Variants in NRXN1 observed in about 807,000 individuals in gnomAD.
NRXN1 encodes neurexin-1.
In NRXN1, 39 loss-of-function variants were observed where a neutral mutation model predicts 150.9. The ratio of observed to expected loss-of-function variants is 0.26; its 90% CI spans 0.20 to 0.34. The LOEUF (loss-of-function observed/expected upper bound fraction) is 0.34, where lower values mean the gene tolerates loss of function less well. NRXN1 is among the 10% of genes least tolerant of loss of function. NRXN1 has a pLI of 1.00. For synonymous variants in NRXN1, 924 were observed against 757.0 expected (o/e 1.22, Z -3.62); for missense variants, 1,815 against 1,949.9 (o/e 0.93, Z 1.30).
At chr2:50,865,482 A>G (rs899240215) in intron 5 of NRXN1, among the ~76,000 whole-genome samples, 7 of 151,532 alleles carry the variant, frequency 4.6e-5, no homozygotes, top group Admixed American at 2.0e-4. Context: ...GAAGAACACC[A>G]AAAGCTGAGT....
intron 18 of NRXN1, among the ~76,000 whole-genome samples, chr2:50,157,816 A>G (rs2059118549): frequency 6.6e-6 from 1 of 151,964 alleles, no homozygotes; most frequent in Non-Finnish European, 1.5e-5. Context: ...AAAACACTCT[A>G]TTGTCAAGTA....
At chr2:50,744,689 T>A (rs1699812750) in intron 5 of NRXN1, among the ~76,000 whole-genome samples, 1 of 152,138 alleles carries the variant, frequency 6.6e-6, no homozygotes, top group East Asian at 1.9e-4. Flanking sequence ...AGAGAGATAT[T>A]ACCTGTTTAA....
chr2:50,684,485 G>C (rs2104825953), intron 5 of NRXN1, among the ~76,000 whole-genome samples: 1 of 152,244 alleles, frequency 6.6e-6, no homozygotes, highest in Non-Finnish European at 1.5e-5. Context: ...CTGGGTGACA[G>C]AGCAAGATCC....
chr2:50,939,115 G>A (rs1454869439), intron 2 of NRXN1, among the ~76,000 whole-genome samples: 1 of 149,574 alleles, frequency 6.7e-6, no homozygotes, highest in Non-Finnish European at 1.5e-5. Flanking sequence ...GGAGGCTGAG[G>A]CAGGAGAATG....
intron 2 of NRXN1, among the ~76,000 whole-genome samples, chr2:50,954,664 T>C (rs915703606): frequency 6.6e-6 from 1 of 152,180 alleles, no homozygotes; most frequent in Non-Finnish European, 1.5e-5. Context: ...GCTGGAGGAA[T>C]AACCTTGGAC....
chr2:50,828,347 G>C (rs1229208192), intron 5 of NRXN1, among the ~76,000 whole-genome samples: 3 of 148,682 alleles, frequency 2.0e-5, no homozygotes, highest in African/African-American at 7.5e-5. Context: ...CCTCCCAGAT[G>C]GGGCGGCTGG....
In NRXN1 at chr2:50,037,221, A is replaced by C. The variant is rs189239522; in HGVS notation, c.4128+16050T>G. Among the ~76,000 whole-genome samples, 451 of 152,196 alleles carry C rather than the reference A, an allele frequency of 3.0e-3. 1 individual carries two copies. The highest frequency in any genetic ancestry group is 0.014 in the Middle Eastern group (4 of 294). On this transcript the variant is annotated intron_variant, in intron 21 of 22. Transcript: ENST00000401669. ...ATATATGGTTAGGTTTGAGTGTAAA[A>C]TTTTTATCTCCTTTGTTCTTTTTTT...
At chr2:50,764,194 T>C (rs1346496003) in intron 5 of NRXN1, among the ~76,000 whole-genome samples, 1 of 151,868 alleles carries the variant, frequency 6.6e-6, no homozygotes, top group East Asian at 1.9e-4. Flanking sequence ...AAATACCTAC[T>C]ACATGCCAGA....
chr2:50,382,841 G>A (rs997303526), intron 17 of NRXN1, among the ~76,000 whole-genome samples: 1 of 152,110 alleles, frequency 6.6e-6, no homozygotes, highest in Admixed American at 6.6e-5. Flanking sequence ...AGCTTTTACT[G>A]GTAATGCCCT....
intron 9 of NRXN1, among the ~76,000 whole-genome samples, chr2:50,545,163 A>T (rs577721449): frequency 3.9e-5 from 6 of 152,288 alleles, no homozygotes; most frequent in Admixed American, 3.9e-4. Context: ...TCACTTAGCT[A>T]GTTTTTGAAT....
At chr2:50,398,268 T>A (rs2082171269) in intron 17 of NRXN1, among the ~76,000 whole-genome samples, 1 of 152,146 alleles carries the variant, frequency 6.6e-6, no homozygotes, top group Non-Finnish European at 1.5e-5. Context: ...CAAGGAATTT[T>A]AAAATTTCTC....
chr2:50,880,257 G>T (rs1679229193), intron 5 of NRXN1, among the ~76,000 whole-genome samples: 1 of 151,920 alleles, frequency 6.6e-6, no homozygotes, highest in Non-Finnish European at 1.5e-5. Flanking sequence ...AAGAAATGTA[G>T]CTCCACTCAC....
At chr2:51,021,509 A>T (rs1669605222) in intron 2 of NRXN1, among the ~76,000 whole-genome samples, 3 of 151,870 alleles carry the variant, frequency 2.0e-5, no homozygotes, top group Admixed American at 2.0e-4. Flanking sequence ...TTTAATTCAC[A>T]TTTAATGATA....
chr2:50,342,854 C>G (rs143002625), intron 17 of NRXN1, among the ~76,000 whole-genome samples: 1 of 152,342 alleles, frequency 6.6e-6, no homozygotes, highest in Non-Finnish European at 1.5e-5. Flanking sequence ...TGACTCTGAT[C>G]AGACATCTGG....
rs143027576 is a variant in NRXN1, at chr2:50,574,328, T to C, written c.1321-21303A>G. ...GGATGTCGCTAAAAATTGGCTGATA[T>C]ATTGGCTTTTGTAAAAAAAAAAAAT... On this transcript the variant is annotated intron_variant, in intron 8 of 22. Transcript: ENST00000401669. 2.0e-3 allele frequency among the ~76,000 whole-genome samples: 309 copies of C among 152,080 alleles called. 6 individuals carry two copies. In the East Asian group the frequency reaches 0.055, roughly 27 times the overall value.
chr2:50,312,751 T>C, intron 17 of NRXN1: 1 of 517,000 alleles, frequency 1.9e-6, no homozygotes, highest in Non-Finnish European at 3.9e-6. Context: ...GCCAAATACA[T>C]ATGTTGCAAT....
chr2:50,953,263 CT>C (rs1424141894), intron 2 of NRXN1, among the ~76,000 whole-genome samples: 2 of 152,208 alleles, frequency 1.3e-5, no homozygotes, highest in Non-Finnish European at 2.9e-5. Flanking sequence ...CTGAGTCACA[CT>C]TTCCTAACAG....
At chr2:50,829,999 G>GGAAAAAAAAAAAAAA (rs1425873902) in intron 5 of NRXN1, among the ~76,000 whole-genome samples, 4 of 58,206 alleles carry the variant, frequency 6.9e-5, no homozygotes, top group East Asian at 1.5e-3. Flanking sequence ...CTGCCTGCTG[G>GGAAAAAAAAAAAAAA]AAAAAAAAAA....
chr2:50,055,038 T>A lies in NRXN1; in HGVS notation c.3725A>T (p.Asn1242Ile). ...PVIERYPAGN[N>I]DNERLAIARQ... ...AGCAATCGCCAGGCGCTCGTTATCA[T>A]TGTTTCCTTTAAAGTTTAAAGAGAC... is the stretch of plus-strand genomic sequence containing the variant. The change falls in exon 20 of 23, where the codon AAT becomes ATT. Residue 1242 changes from asparagine (N) to isoleucine (I), a missense_variant. Asn to Ile is a moderately radical substitution (Grantham distance 149). Coordinates refer to ENST00000401669, the MANE Select transcript of NRXN1 (RefSeq NM_001330078.2). 1 of 1,595,096 alleles carries A rather than the reference T, an allele frequency of 6.3e-7. No individual in the cohort carries two copies. The highest frequency in any genetic ancestry group is 8.5e-7 in the Non-Finnish European group (1 of 1,171,738).
Sources: allele counts gnomAD v4.1 joint callset (sites outside exome capture counted in the v4.1 genomes callset), GRCh38; gene constraint gnomAD v4.1.1; transcripts MANE v1.5; gene names NCBI Gene and HGNC (gene_info 2026-07-23, HGNC 2026-07-21).